The following MTUS1 variants were observed in gnomAD, a reference collection of about 807,000 sequenced individuals.
MTUS1 encodes microtubule-associated tumor suppressor 1.
A neutral mutation model predicts 120.8 loss-of-function variants in MTUS1; 109 were observed. The ratio of observed to expected loss-of-function variants is 0.90; its 90% CI spans 0.77 to 1.06. The LOEUF (loss-of-function observed/expected upper bound fraction) is 1.06. Ranked by LOEUF, MTUS1 falls within the 50% of genes least tolerant of loss-of-function variation. MTUS1 has a pLI of 0.00. For missense variants in MTUS1, 2,210 were observed against 1,486.3 expected, an observed-to-expected ratio of 1.49 and a Z score of -8.01; for synonymous variants, 737 against 550.5, an observed-to-expected ratio of 1.34 and a Z score of -4.74.
chr8:17,764,627 G>C (rs1173672498), intron 1 of MTUS1, among the ~76,000 whole-genome samples: 1 of 152,172 alleles, frequency 6.6e-6, no homozygotes, highest in Non-Finnish European at 1.5e-5. Flanking sequence ...AAATATCTTA[G>C]GCTTTACAGG....
chr8:17,765,604 G>C (rs1166463553), intron 1 of MTUS1, among the ~76,000 whole-genome samples: 1 of 115,150 alleles, frequency 8.7e-6, no homozygotes, highest in Non-Finnish European at 1.7e-5. Flanking sequence ...AGGAAACAGA[G>C]CAAGACTCTG....
At position 17,656,037 on chromosome 8, in the gene MTUS1, T is replaced by C. The variant is rs781306673; in HGVS notation, c.2934A>G (p.Leu978=). 2.9e-5 allele frequency: 47 copies of C among 1,614,126 alleles called. No homozygotes were observed. The South Asian group carries it at 4.9e-4, about 17-fold the overall frequency. Residue 978 remains leucine (L), a synonymous_variant, in exon 9 of 15, where the codon TTA becomes TTG. Coordinates refer to ENST00000693296, the MANE Select transcript of MTUS1 (RefSeq NM_001363059.2). ...LVTASTTCEK[L]EKARNELQTV... is the part of the protein sequence containing the mutation. Reference sequence around the variant, plus strand: ...TTTGTAACTCATTCCTGGCTTTTTCTAATTTCTCACAGGTGGTTGAAGCAG... The same window carrying C: ...TTTGTAACTCATTCCTGGCTTTTTCCAATTTCTCACAGGTGGTTGAAGCAG...
In MTUS1 at chr8:17,723,719, G is replaced by T; in HGVS notation, c.2402C>A (p.Pro801His). 6.2e-7 allele frequency: 1 copy of T among 1,611,066 alleles called. No homozygotes were observed. The highest frequency in any genetic ancestry group is 1.3e-5 in the African/African-American group (1 of 74,932). The change falls in exon 4 of 15, where the codon CCC becomes CAC. Residue 801 changes from proline (P) to histidine (H), a missense_variant. Coordinates refer to ENST00000693296, the MANE Select transcript of MTUS1 (RefSeq NM_001363059.2). ...SPALRRTGST[P>H]SIASTHSELS... ...CTCACTGTGGGTGCTGGCTATTGAG[G>T]GGGTGCTTCCTGTCCTCCGCAGCGC...
At position 17,753,924 on chromosome 8, in the gene MTUS1, C is replaced by T. The variant is rs1196581342; in HGVS notation, c.1884G>A (p.Gly628=). ...TCTTCTGAAACAACGCAGAAACGGA[C>T]CCGGTCTCGCATGCTGAGTTAGAAG... ...ASSSNSACET[G]SVSALFQKIK... is the part of the protein sequence containing the mutation. The change falls in exon 2 of 15, where the codon GGG becomes GGA. Residue 628 remains glycine (G), a synonymous_variant. Coordinates refer to ENST00000693296, the MANE Select transcript of MTUS1 (RefSeq NM_001363059.2). 1 of 1,614,138 alleles carries T rather than the reference C, an allele frequency of 6.2e-7. No homozygotes were observed. Among genetic ancestry groups the T allele is most frequent in the African/African-American group, 1.3e-5 (1 of 75,032 alleles).
chr8:17,756,023 G>T, intron 1 of MTUS1, 62 bp from the exon 2 acceptor site: 3 of 1,037,090 alleles, frequency 2.9e-6, no homozygotes, highest in South Asian at 4.0e-5. Context: ...CCACCCCTTG[G>T]TTTCAATCAC....
chr8:17,746,960 G>GT (rs1002691181), intron 2 of MTUS1, among the ~76,000 whole-genome samples: 2 of 152,128 alleles, frequency 1.3e-5, no homozygotes, highest in African/African-American at 4.8e-5. Flanking sequence ...AATGAAAGCT[G>GT]TTTCTCTTTT....
intron 1 of MTUS1, among the ~76,000 whole-genome samples, chr8:17,763,476 T>A (rs2049205058): frequency 6.6e-6 from 1 of 152,190 alleles, no homozygotes; most frequent in East Asian, 1.9e-4. Flanking sequence ...TGTATAACAC[T>A]CCTGGCTTTT....
chr8:17,647,180 T>TA, intron 13 of MTUS1, 101 bp from the exon 14 acceptor site: 1 of 851,450 alleles, frequency 1.2e-6, no homozygotes, highest in Non-Finnish European at 1.9e-6. Flanking sequence ...GAGATTTAAT[T>TA]AAGGAAAATG....
At chr8:17,762,544 C>A (rs2049124492) in intron 1 of MTUS1, among the ~76,000 whole-genome samples, 2 of 152,110 alleles carry the variant, frequency 1.3e-5, no homozygotes, top group African/African-American at 4.8e-5. Context: ...CACCTAGGAA[C>A]CGAGTAGAGG....
intron 3 of MTUS1, among the ~76,000 whole-genome samples, chr8:17,731,437 T>C (rs976904963): frequency 3.3e-5 from 5 of 152,186 alleles, no homozygotes; most frequent in African/African-American, 9.7e-5. Context: ...TAGAACAGCA[T>C]CTGGCACAAA....
chr8:17,669,506 AT>A (rs1811572899), intron 8 of MTUS1, among the ~76,000 whole-genome samples: 1 of 151,994 alleles, frequency 6.6e-6, no homozygotes, highest in Admixed American at 6.6e-5. Flanking sequence ...GTATGTCTGG[AT>A]TTTTTCCCCC....
chr8:17,753,623 A>C, intron 2 of MTUS1, 94 bp downstream of exon 2: 2 of 815,202 alleles, frequency 2.5e-6, no homozygotes, highest in Non-Finnish European at 3.7e-6. Context: ...CTGGTTCTGC[A>C]ATATTATTGA....
At chr8:17,665,999 G>C (rs1810816813) in intron 8 of MTUS1, among the ~76,000 whole-genome samples, 1 of 151,272 alleles carries the variant, frequency 6.6e-6, no homozygotes, top group African/African-American at 2.4e-5. Flanking sequence ...CTCCCTGCCA[G>C]TGTTCCTCCT....
At chr8:17,689,233 CA>C (rs942719721) in intron 6 of MTUS1, among the ~76,000 whole-genome samples, 2 of 151,848 alleles carry the variant, frequency 1.3e-5, no homozygotes, top group African/African-American at 4.8e-5. Context: ...AACAAACAAA[CA>C]AAAAACCCCA....
chr8:17,758,511 A>T (rs2048796208), intron 1 of MTUS1, among the ~76,000 whole-genome samples: 1 of 152,270 alleles, frequency 6.6e-6, no homozygotes, highest in African/African-American at 2.4e-5. Context: ...AAAAGCTTTT[A>T]TGAAACATAA....
At chr8:17,748,809 T>C (rs911786618) in intron 2 of MTUS1, among the ~76,000 whole-genome samples, 1 of 152,148 alleles carries the variant, frequency 6.6e-6, no homozygotes, top group African/African-American at 2.4e-5. Flanking sequence ...CCCACTGCAC[T>C]AGGCACTCAG....
intron 8 of MTUS1, among the ~76,000 whole-genome samples, chr8:17,661,840 C>T (rs1809779814): frequency 2.6e-5 from 4 of 152,196 alleles, no homozygotes; most frequent in Admixed American, 6.5e-5. Context: ...CAGACCTTTG[C>T]TCTGTTTACT....
At chr8:17,660,283 G>C (rs1809390001) in intron 8 of MTUS1, among the ~76,000 whole-genome samples, 1 of 152,200 alleles carries the variant, frequency 6.6e-6, no homozygotes. Flanking sequence ...TGAGGCAGGA[G>C]AATCGCTTGA....
At chr8:17,790,941 G>T (rs898671070) in intron 1 of MTUS1, among the ~76,000 whole-genome samples, 2 of 152,046 alleles carry the variant, frequency 1.3e-5, no homozygotes, top group African/African-American at 2.4e-5. Context: ...CAGCCGGATC[G>T]TACCACTGCA....
Sources: gnomAD v4.1 joint callset for allele counts (sites outside exome capture counted in the v4.1 genomes callset) on GRCh38, gnomAD v4.1.1 for gene constraint, MANE v1.5 for transcripts, NCBI Gene and HGNC (gene_info 2026-07-23, HGNC 2026-07-21) for gene names.